Variants in DPYD observed in about 807,000 individuals in gnomAD.
DPYD encodes the protein dihydropyrimidine dehydrogenase.
Under a neutral mutation model 116.2 loss-of-function variants are expected in DPYD, and 109 were observed. That is an observed-to-expected ratio of 0.94 (90% CI 0.80 to 1.10). The LOEUF (loss-of-function observed/expected upper bound fraction) is 1.10, where lower values mean the gene tolerates loss of function less well. Ranked by LOEUF, DPYD falls within the 50% of genes least tolerant of loss-of-function variation. The pLI is 0.00. For missense variants in DPYD, 1,302 were observed against 1,254.5 expected (o/e 1.04, Z -0.57); for synonymous variants, 440 against 432.0 (o/e 1.02, Z -0.23).
intron 20 of DPYD, among the ~76,000 whole-genome samples, chr1:97,133,763 T>A (rs1653509354): frequency 6.6e-6 from 1 of 151,564 alleles, no homozygotes; most frequent in Non-Finnish European, 1.5e-5. Context: ...TTTGGGAAGC[T>A]GAGGTGGGCA....
intron 18 of DPYD, among the ~76,000 whole-genome samples, chr1:97,292,636 G>A (rs910134396): frequency 1.3e-5 from 2 of 152,152 alleles, no homozygotes; most frequent in African/African-American, 4.8e-5. Context: ...CTAAAGAAAG[G>A]TCTTTGAGAG....
Position 97,599,317 on chromosome 1 carries a change from T to C in DPYD, c.851-4151A>G, listed in dbSNP as rs1281551886. Reference sequence around the variant, plus strand: ...CTACAGAATAAATAACAGCAGTATATATAGTAAATTCTTTCCTTGTGCTCA... The same window carrying C: ...CTACAGAATAAATAACAGCAGTATACATAGTAAATTCTTTCCTTGTGCTCA... On this transcript the variant is annotated intron_variant, in intron 8 of 22. Coordinates refer to ENST00000370192, the MANE Select transcript of DPYD (RefSeq NM_000110.4). Among the ~76,000 whole-genome samples the C allele has an allele frequency of 2.6e-5, 4 of 152,306 alleles. No individual in the cohort carries two copies. The East Asian group carries it at 7.7e-4, about 29-fold the overall frequency.
intron 2 of DPYD, among the ~76,000 whole-genome samples, chr1:97,867,981 A>G (rs1467928378): frequency 6.6e-6 from 1 of 151,784 alleles, no homozygotes; most frequent in Non-Finnish European, 1.5e-5. Context: ...CCGAAAGCCA[A>G]CACCAAAAAT....
intron 13 of DPYD, among the ~76,000 whole-genome samples, chr1:97,484,200 G>C (rs1678485411): frequency 6.6e-6 from 1 of 152,162 alleles, no homozygotes; most frequent in Non-Finnish European, 1.5e-5. Context: ...AGCTACTCAG[G>C]AGGCTAAGTA....
intron 20 of DPYD, among the ~76,000 whole-genome samples, chr1:97,117,569 C>T (rs969750189): frequency 7.9e-5 from 12 of 152,118 alleles, no homozygotes; most frequent in Non-Finnish European, 1.6e-4. Flanking sequence ...ATACATATTG[C>T]AAGAAACTTT....
chr1:97,237,614 T>C (rs1042105155), intron 18 of DPYD, among the ~76,000 whole-genome samples: 8 of 152,178 alleles, frequency 5.3e-5, no homozygotes, highest in African/African-American at 1.9e-4. Flanking sequence ...GAATTTATAG[T>C]GAGAATACAA....
intron 20 of DPYD, among the ~76,000 whole-genome samples, chr1:97,182,986 G>A (rs1337909710): frequency 2.6e-5 from 4 of 152,052 alleles, no homozygotes; most frequent in Non-Finnish European, 5.9e-5. Context: ...TGTGACTTGA[G>A]TTTTTATTTT....
chr1:97,613,658 G>A (rs1305283308), intron 8 of DPYD, among the ~76,000 whole-genome samples: 1 of 151,966 alleles, frequency 6.6e-6, no homozygotes, highest in Non-Finnish European at 1.5e-5. Flanking sequence ...AAGAGCTAGA[G>A]CATGAATATA....
rs1446074006 is a variant in DPYD at position 97,361,918 on chromosome 1, A to G, written c.2058+11643T>C. Among the ~76,000 whole-genome samples the G allele has an allele frequency of 3.9e-5, 6 of 152,176 alleles. 1 individual carries two copies. The highest frequency in any genetic ancestry group is 3.3e-4 in the Admixed American group (5 of 15,274). On this transcript the variant is annotated intron_variant, in intron 16 of 22. Transcript: ENST00000370192. Reference sequence around the variant, plus strand: ...CAAGACAGGGATGCCCTCTCTCACCACTCCTATTACACATAGTGTTGGAAG... The same window carrying G: ...CAAGACAGGGATGCCCTCTCTCACCGCTCCTATTACACATAGTGTTGGAAG...
At chr1:97,257,611 C>T (rs1190284890) in intron 18 of DPYD, among the ~76,000 whole-genome samples, 1 of 151,222 alleles carries the variant, frequency 6.6e-6, no homozygotes, top group African/African-American at 2.4e-5. Flanking sequence ...TATATCTTCC[C>T]AGCTATTTTT....
At chr1:97,795,116 C>T (rs1020172861) in intron 3 of DPYD, among the ~76,000 whole-genome samples, 1 of 151,990 alleles carries the variant, frequency 6.6e-6, no homozygotes. Context: ...GGGATGAGCA[C>T]AGAGTCCAGT....
intron 3 of DPYD, among the ~76,000 whole-genome samples, chr1:97,810,387 T>C (rs556938352): frequency 1.3e-5 from 2 of 152,164 alleles, no homozygotes; most frequent in South Asian, 2.1e-4. Flanking sequence ...GCATCATGTG[T>C]TAAATAATTA....
chr1:97,539,604 T>C (rs528827225), intron 12 of DPYD, among the ~76,000 whole-genome samples: 3 of 152,164 alleles, frequency 2.0e-5, no homozygotes, highest in Non-Finnish European at 4.4e-5. Context: ...ATCTAAAATA[T>C]AGAGAATTGA....
intron 8 of DPYD, among the ~76,000 whole-genome samples, chr1:97,609,186 AC>A (rs1655785202): frequency 1.3e-5 from 2 of 152,024 alleles, no homozygotes; most frequent in Admixed American, 6.6e-5. Context: ...ATTTGTAAAT[AC>A]GTTTATATTT....
chr1:97,727,386 G>A (rs1663326231), intron 4 of DPYD, among the ~76,000 whole-genome samples: 1 of 151,770 alleles, frequency 6.6e-6, no homozygotes, highest in Non-Finnish European at 1.5e-5. Context: ...TGAAAAATAT[G>A]CATGAACCAA....
intron 6 of DPYD, among the ~76,000 whole-genome samples, chr1:97,698,612 G>A (rs768058101): frequency 6.6e-6 from 1 of 151,720 alleles, no homozygotes; most frequent in African/African-American, 2.4e-5. Context: ...TGTAATCCAT[G>A]ATTTTTTTGA....
At chr1:97,229,013 T>C (rs1319762011) in intron 19 of DPYD, among the ~76,000 whole-genome samples, 2 of 151,734 alleles carry the variant, frequency 1.3e-5, no homozygotes, top group African/African-American at 2.4e-5. Context: ...CTGGCTAACA[T>C]AGTGAAACCC....
chr1:97,587,911 T>G (rs1423664774), intron 10 of DPYD, among the ~76,000 whole-genome samples: 7 of 150,984 alleles, frequency 4.6e-5, no homozygotes, highest in Admixed American at 4.6e-4. Flanking sequence ...TTTAACATGG[T>G]CCTTTGACAT....
intron 7 of DPYD, among the ~76,000 whole-genome samples, chr1:97,690,765 C>T (rs183496526): frequency 5.7e-4 from 86 of 152,094 alleles, no homozygotes; most frequent in African/African-American, 2.0e-3. Flanking sequence ...TATAAAGTTG[C>T]CCAAATCTAT....
Sources: allele counts gnomAD v4.1 joint callset (sites outside exome capture counted in the v4.1 genomes callset), GRCh38; gene constraint gnomAD v4.1.1; transcripts MANE v1.5; gene names NCBI Gene and HGNC (gene_info 2026-07-23, HGNC 2026-07-21).